RHBDD1: variants seen among roughly 807,000 people sequenced by gnomAD.
RHBDD1 encodes rhomboid domain containing 1.
Under a neutral mutation model 36.3 loss-of-function variants are expected in RHBDD1, and 38 were observed. The observed-to-expected ratio is 1.05, with a 90% CI of 0.81 to 1.37. The LOEUF (loss-of-function observed/expected upper bound fraction) is 1.37. RHBDD1 is among the 40% of genes most tolerant of loss of function. The pLI is 0.00. For synonymous variants in RHBDD1, 151 were observed against 136.5 expected (o/e 1.11, Z -0.74); for missense variants, 393 against 377.6 (o/e 1.04, Z -0.34).
chr2:226,909,798 T>G (rs1948388184), intron 7 of RHBDD1, among the ~76,000 whole-genome samples: 1 of 152,190 alleles, frequency 6.6e-6, no homozygotes, highest in South Asian at 2.1e-4. Flanking sequence ...AAATTTCTAT[T>G]GCTTAAGCCA....
the RHBDD1 span, among the ~76,000 whole-genome samples, chr2:226,802,459 A>G: frequency 6.6e-6 from 1 of 152,206 alleles, no homozygotes; most frequent in Admixed American, 6.5e-5. Flanking sequence ...TTGTTTTATT[A>G]ATGGGCTAAC....
chr2:226,804,957 G>A, the RHBDD1 span: 1 of 152,388 alleles, frequency 6.6e-6, no homozygotes, highest in Admixed American at 6.5e-5. Context: ...AGGAGTTCAA[G>A]TTTGCAGTGA....
chr2:226,973,114 C>T (rs748240767), intron 8 of RHBDD1, among the ~76,000 whole-genome samples: 2 of 152,144 alleles, frequency 1.3e-5, no homozygotes, highest in South Asian at 2.1e-4. Context: ...ACTTCAGCCT[C>T]GGGGTTCTTG....
chr2:226,969,659 A>G (rs2149321994), intron 8 of RHBDD1, among the ~76,000 whole-genome samples: 1 of 152,324 alleles, frequency 6.6e-6, no homozygotes, highest in African/African-American at 2.4e-5. Flanking sequence ...CTACAAACCA[A>G]ACAAATCTCC....
chr2:226,881,385 A>G (rs780305504), intron 5 of RHBDD1, among the ~76,000 whole-genome samples: 12 of 152,296 alleles, frequency 7.9e-5, no homozygotes, highest in East Asian at 7.7e-4. Flanking sequence ...TGTATTTTCA[A>G]TTTTTTTGTT....
At chr2:226,989,904 G>C (rs77433065) in intron 8 of RHBDD1, among the ~76,000 whole-genome samples, 3,229 of 152,316 alleles carry the variant, frequency 0.021, 49 homozygotes, top group Middle Eastern at 0.085. Flanking sequence ...AAGGCTTCTT[G>C]TTTTGAGATT....
intron 8 of RHBDD1, among the ~76,000 whole-genome samples, chr2:226,916,841 T>G (rs1435937375): frequency 6.6e-6 from 1 of 152,212 alleles, no homozygotes; most frequent in African/African-American, 2.4e-5. Flanking sequence ...CCCCCATCAG[T>G]AATTATACAG....
chr2:226,955,658 G>C (rs1951740943), intron 8 of RHBDD1, among the ~76,000 whole-genome samples: 1 of 152,224 alleles, frequency 6.6e-6, no homozygotes, highest in South Asian at 2.1e-4. Context: ...CCAGGATCAA[G>C]GCACCAGCAG....
At chr2:226,911,805 A>G (rs570244066) in intron 7 of RHBDD1, among the ~76,000 whole-genome samples, 4 of 152,222 alleles carry the variant, frequency 2.6e-5, no homozygotes, top group African/African-American at 9.6e-5. Context: ...TGTTCTAAAT[A>G]TCAATAATGT....
At chr2:226,939,772 A>C (rs539489334) in intron 8 of RHBDD1, among the ~76,000 whole-genome samples, 49 of 152,330 alleles carry the variant, frequency 3.2e-4, no homozygotes, top group African/African-American at 1.1e-3. Context: ...ATTACTTTAA[A>C]ATTCATATGG....
the RHBDD1 span, among the ~76,000 whole-genome samples, chr2:226,809,171 CA>C: frequency 6.6e-6 from 1 of 152,128 alleles, no homozygotes; most frequent in Non-Finnish European, 1.5e-5. Context: ...AAGAAGAGGA[CA>C]AAGATGCCAG....
intron 8 of RHBDD1, among the ~76,000 whole-genome samples, chr2:226,985,109 T>C (rs1217087461): frequency 2.0e-5 from 3 of 152,150 alleles, no homozygotes; most frequent in Non-Finnish European, 4.4e-5. Flanking sequence ...TGTCTGTTTA[T>C]CTCCTCTGAT....
intron 8 of RHBDD1, among the ~76,000 whole-genome samples, chr2:226,970,075 C>G (rs1953159880): frequency 6.8e-6 from 1 of 148,004 alleles, no homozygotes; most frequent in Non-Finnish European, 1.5e-5. Context: ...CCCCGCATTC[C>G]TTAAATGGTT....
the RHBDD1 span, among the ~76,000 whole-genome samples, chr2:226,816,389 A>AG: frequency 5.7e-3 from 865 of 151,424 alleles, 11 homozygotes; most frequent in African/African-American, 0.02. Flanking sequence ...AAAAAAAAAA[A>AG]AAAAAAAGAA....
At chr2:226,928,751 G>A (rs921444663) in intron 8 of RHBDD1, among the ~76,000 whole-genome samples, 1 of 151,844 alleles carries the variant, frequency 6.6e-6, no homozygotes, top group Non-Finnish European at 1.5e-5. Context: ...ATCATAGACC[G>A]TTAGCTATCT....
chr2:226,976,769 G>C (rs1213846049), intron 8 of RHBDD1, among the ~76,000 whole-genome samples: 1 of 152,176 alleles, frequency 6.6e-6, no homozygotes, highest in Non-Finnish European at 1.5e-5. Context: ...TGGGCCTATC[G>C]GGTAGGTGTC....
At chr2:226,870,121 TTGAATG>T (rs967063197) in intron 5 of RHBDD1, among the ~76,000 whole-genome samples, 1 of 152,098 alleles carries the variant, frequency 6.6e-6, no homozygotes, top group African/African-American at 2.4e-5. Flanking sequence ...AGGAGAGCGG[TTGAATG>T]TGACAGGGCC....
At chr2:226,801,246 G>C in the RHBDD1 span, among the ~76,000 whole-genome samples, 1 of 152,230 alleles carries the variant, frequency 6.6e-6, no homozygotes, top group Non-Finnish European at 1.5e-5. Flanking sequence ...CAATGCGGCT[G>C]AGGGGCGGAG....
chr2:226,836,051 C>T (rs922741154), upstream of RHBDD1: 2 of 152,716 alleles, frequency 1.3e-5, no homozygotes, highest in Non-Finnish European at 2.9e-5. Context: ...CGCACGTGCG[C>T]GCGAAGACGT....
Sources: allele counts gnomAD v4.1 joint callset (sites outside exome capture counted in the v4.1 genomes callset), GRCh38; gene constraint gnomAD v4.1.1; transcripts MANE v1.5; gene names NCBI Gene and HGNC (gene_info 2026-07-23, HGNC 2026-07-21).